TAP1: variants seen among roughly 807,000 people sequenced by gnomAD.
The protein encoded by TAP1 is antigen peptide transporter 1.
A neutral mutation model predicts 79.3 loss-of-function variants in TAP1; 56 were observed. The observed-to-expected ratio is 0.71, with a 90% CI of 0.57 to 0.88. The LOEUF is 0.88. TAP1 is among the 40% of genes least tolerant of loss of function. The pLI, the probability that TAP1 is intolerant of heterozygous loss-of-function variation, is 0.00. For synonymous variants in TAP1, 355 were observed against 401.4 expected, an observed-to-expected ratio of 0.88 and a Z score of 1.38; for missense variants, 737 against 936.3, an observed-to-expected ratio of 0.79 and a Z score of 2.78.
At position 32,845,754 on chromosome 6, in the gene TAP1, C is replaced by T. The variant is rs200753447; in HGVS notation, c.2072G>A (p.Arg691Gln). Residue 691 changes from arginine (R) to glutamine (Q), a missense_variant, in exon 11 of 11, where the codon CGG (arginine) becomes CAG (glutamine). Around this residue, in one of 5 missense-constraint regions of TAP1, gnomAD observed 266 missense variants for 332.4 expected, o/e 0.80. Transcript: ENST00000354258. This position sits in a 1 kb window ranked among gnomAD's most constrained non-coding sequence, Gnocchi z 4.5. ...GATGAGAAGCACTGAGCGGGAGTACCGCTCAGGGCTTTCGTACAGGAGCTG... is the reference window on the plus strand; with the variant it reads ...GATGAGAAGCACTGAGCGGGAGTACTGCTCAGGGCTTTCGTACAGGAGCTG... ...VEQLLYESPE[R>Q]YSRSVLLITQ... 2.0e-4 allele frequency: 327 copies of T among 1,612,684 alleles called. 4 individuals carry two copies. In the South Asian group the frequency reaches 3.5e-3, roughly 17 times the overall value.
rs902982756 is a variant in TAP1, at chr6:32,851,122, T to C, written c.872A>G (p.Asp291Gly). The part of the protein sequence containing the change: ...TGNIMSRVTE[D>G]TSTLSDSLSE... ...CAGAGAATCACTCAGGGTGGACGTG[T>C]CCTCTGTTACCCGAGACATGATGTT... is the stretch of plus-strand genomic sequence containing the variant. The change falls in exon 4 of 11, where the codon GAC becomes GGC. Residue 291 changes from aspartate (D) to glycine (G), a missense_variant. Physicochemically the swap from Asp to Gly is moderately conservative, Grantham distance 94. Transcript: ENST00000354258. This position sits in a 1 kb window ranked among gnomAD's most constrained non-coding sequence, Gnocchi z 4.8. 2 of 1,612,864 alleles carry C rather than the reference T, an allele frequency of 1.2e-6. No individual in the cohort carries two copies. Among genetic ancestry groups the C allele is most frequent in the Admixed American group, 1.7e-5 (1 of 60,006 alleles).
At position 32,852,767 on chromosome 6, in the gene TAP1, C is replaced by T; in HGVS notation, c.599-265G>A. The T allele has an allele frequency of 6.9e-7, 1 of 1,441,460 alleles. No individual in the cohort carries two copies. Among genetic ancestry groups the T allele is most frequent in the Non-Finnish European group, 9.0e-7 (1 of 1,105,730 alleles). 89.3% of individuals were successfully genotyped at this position (1,441,460 alleles called of 1,614,324 possible). On this transcript the variant is annotated intron_variant, in intron 1 of 10. Transcript: ENST00000354258. This position sits in a 1 kb window ranked among gnomAD's most constrained non-coding sequence, Gnocchi z 4.8. ...AGCCTCCTGTTAGAGATGAGGATGC[C>T]CCGCCCTTCGGCCCCAGAGCAAAGG...
At position 32,845,520 on chromosome 6, in the gene TAP1, TCTC is replaced by T. The variant is rs1770309121; in HGVS notation, c.*56_*58del. ...CAGCTGCCTACTCTGCAGCTGTGGT[TCTC>T]CACCACAGAGAGAAGAAAAGGGAGG... On this transcript the variant is annotated 3_prime_UTR_variant, in exon 11 of 11. Transcript: ENST00000354258. This position sits in a 1 kb window ranked among gnomAD's most constrained non-coding sequence, Gnocchi z 4.5. 2 of 1,570,876 alleles carry T rather than the reference TCTC, an allele frequency of 1.3e-6. No individual in the cohort carries two copies. Among genetic ancestry groups the T allele is most frequent in the Non-Finnish European group, 1.8e-6 (2 of 1,142,302 alleles).
Position 32,845,660 on chromosome 6 carries a change from C to T in TAP1, c.2166G>A (p.Glu722=), listed in dbSNP as rs1168191377. The change falls in exon 11 of 11, where the codon GAG becomes GAA. Residue 722 remains glutamate, a synonymous_variant. Transcript: ENST00000354258. This position sits in a 1 kb window ranked among gnomAD's most constrained non-coding sequence, Gnocchi z 4.5. The part of the protein sequence containing the change: ...ILFLEGGAIR[E]GGTHQQLMEK... ...CCATGAGCTGCTGGTGGGTTCCCCC[C>T]TCCCGGATAGCGCCTCCTTCCAGAA... 1.2e-6 allele frequency: 2 copies of T among 1,613,074 alleles called. No individual in the cohort carries two copies. Among genetic ancestry groups the T allele is most frequent in the South Asian group, 1.1e-5 (1 of 91,078 alleles).
In TAP1 at chr6:32,852,378, G is replaced by GC; in HGVS notation, c.713+9dup. ...TCATTTGCAGGGTGCCCCATTTTCA[G>GC]CCCCCAGACCTGGCTATGGTGAGAA... On this transcript the variant is annotated intron_variant, in intron 2 of 10. Coordinates refer to ENST00000354258, the MANE Select transcript of TAP1 (RefSeq NM_000593.6). The surrounding 1 kb of genome is among the most constrained non-coding windows in gnomAD (Gnocchi z 4.8). 1 of 1,613,022 alleles carries GC rather than the reference G, an allele frequency of 6.2e-7. No homozygotes were observed. Among genetic ancestry groups the GC allele is most frequent in the Non-Finnish European group, 8.5e-7 (1 of 1,180,014 alleles).
chr6:32,850,149 G>T lies in TAP1; in HGVS notation c.1248+171C>A, dbSNP rs989931321. On this transcript the variant is annotated intron_variant, in intron 5 of 10. Transcript: ENST00000354258. This position sits in a 1 kb window ranked among gnomAD's most constrained non-coding sequence, Gnocchi z 5.5. The stretch of plus-strand genomic sequence containing the variant: ...AGCCACCTAGCATCTTTAAAGAGAG[G>T]GAGGGGGCTAGGGACACTGAGTAGA... The T allele has an allele frequency of 9.8e-6, 7 of 714,978 alleles. No homozygotes were observed. The Admixed American group carries it at 1.4e-4, about 15-fold the overall frequency. 44.3% of individuals were successfully genotyped at this position (714,978 alleles called of 1,614,324 possible).
chr6:32,851,906 A>G lies in TAP1; in HGVS notation c.844+203T>C, dbSNP rs181428346. On this transcript the variant is annotated intron_variant, in intron 3 of 10. Coordinates refer to ENST00000354258, the MANE Select transcript of TAP1 (RefSeq NM_000593.6). This position sits in a 1 kb window ranked among gnomAD's most constrained non-coding sequence, Gnocchi z 4.8. Reference sequence around the variant, plus strand: ...AGGTATATCAAGAATGAGAAAAACAATTGTGTGTGTGTGTGTGTGAGAGAG... The same window carrying G: ...AGGTATATCAAGAATGAGAAAAACAGTTGTGTGTGTGTGTGTGTGAGAGAG... 3.3e-3 allele frequency among the ~76,000 whole-genome samples: 432 copies of G among 131,112 alleles called. 7 individuals carry two copies. Among genetic ancestry groups the G allele is most frequent in the Non-Finnish European group, 5.2e-4 (32 of 61,942 alleles). 86.0% of individuals were successfully genotyped at this position (131,112 alleles called of 152,430 possible). A position where few individuals can be genotyped will look rare whatever the true frequency, so the allele number is the denominator to read the frequency against.
Position 32,852,709 on chromosome 6 carries a change from TTA to T in TAP1, c.599-209_599-208del, listed in dbSNP as rs1770868527. The stretch of plus-strand genomic sequence containing the variant: ...TTGCTCTACCAGAACTTTCAGGATT[TTA>T]TTAGGAAGGCTGGAGATCATGAAGT... On this transcript the variant is annotated intron_variant, in intron 1 of 10. Transcript: ENST00000354258. The surrounding 1 kb of genome is among the most constrained non-coding windows in gnomAD (Gnocchi z 4.8). The T allele has an allele frequency of 2.1e-6, 3 of 1,462,366 alleles. No homozygotes were observed. Among genetic ancestry groups the T allele is most frequent in the Non-Finnish European group, 2.7e-6 (3 of 1,113,446 alleles). 90.6% of individuals were successfully genotyped at this position (1,462,366 alleles called of 1,614,324 possible).
rs1770331314 is a variant in TAP1 at position 32,845,716 on chromosome 6, T to TGAGGTGCTGGGTGATGA, written c.2093_2109dup (p.Leu705SerfsTer100). On this transcript the variant is annotated frameshift_variant, in exon 11 of 11. Coordinates refer to ENST00000354258, the MANE Select transcript of TAP1 (RefSeq NM_000593.6). LOFTEE classifies it high-confidence loss of function. This position sits in a 1 kb window ranked among gnomAD's most constrained non-coding sequence, Gnocchi z 4.5. ...ATGTGGTCAGCCTGCTCCACCAGGC[T>TGAGGTGCTGGGTGATGA]GAGGTGCTGGGTGATGAGAAGCACT... 1 of 1,612,706 alleles carries TGAGGTGCTGGGTGATGA rather than the reference T, an allele frequency of 6.2e-7. No homozygotes were observed.
rs575626193 is a variant in TAP1 at position 32,847,805 on chromosome 6, C to A, written c.1740+114G>T. ...TACTACCTCCCTCCTGACTACACCA[C>A]CATCTCCACCCAAGGTCTCTTATCA... is the stretch of plus-strand genomic sequence containing the variant. On this transcript the variant is annotated intron_variant, in intron 8 of 10. Coordinates refer to ENST00000354258, the MANE Select transcript of TAP1 (RefSeq NM_000593.6). This position sits in a 1 kb window ranked among gnomAD's most constrained non-coding sequence, Gnocchi z 4.7. The A allele has an allele frequency of 1.5e-4, 231 of 1,567,366 alleles. 1 individual carries two copies. Among genetic ancestry groups the A allele is most frequent in the Non-Finnish European group, 1.8e-4 (209 of 1,139,804 alleles).
In TAP1 at chr6:32,853,234, T is replaced by C. The variant is rs1163654700; in HGVS notation, c.403A>G (p.Ser135Gly). 1.2e-6 allele frequency: 2 copies of C among 1,608,138 alleles called. No homozygotes were observed. Among genetic ancestry groups the C allele is most frequent in the South Asian group, 1.1e-5 (1 of 90,238 alleles). The change falls in exon 1 of 11, where the codon AGT becomes GGT. Residue 135 changes from serine to glycine, a missense_variant. Ser to Gly is a moderately conservative substitution (Grantham distance 56). Around this residue, in one of 5 missense-constraint regions of TAP1, gnomAD observed 406 missense variants for 477.2 expected, o/e 0.85. Coordinates refer to ENST00000354258, the MANE Select transcript of TAP1 (RefSeq NM_000593.6). This position sits in a 1 kb window ranked among gnomAD's most constrained non-coding sequence, Gnocchi z 8.3. ...ADSTRLLHWG[S>G]HPTAFVVSYA... ...CTGACAACGAAGGCGGTAGGGTGAC[T>C]TCCCCAGTGCAGTAGCCTGGTGCTA...
rs533012774 is a variant in TAP1, at chr6:32,851,350, T to C, written c.845-201A>G. On this transcript the variant is annotated intron_variant, in intron 3 of 10. Transcript: ENST00000354258. This position sits in a 1 kb window ranked among gnomAD's most constrained non-coding sequence, Gnocchi z 4.8. ...AGTGTTAAAGAGGAAAGGCCTGACC[T>C]TCATTTTAATTATAAAGTCATTAAT... is the stretch of plus-strand genomic sequence containing the variant. 4.7e-4 allele frequency among the ~76,000 whole-genome samples: 72 copies of C among 152,336 alleles called. No individual in the cohort carries two copies. The highest frequency in any genetic ancestry group is 1.7e-3 in the African/African-American group (70 of 41,562).
In TAP1 at chr6:32,850,294, A is replaced by C; in HGVS notation, c.1248+26T>G. The C allele has an allele frequency of 6.2e-7, 1 of 1,607,404 alleles. No individual in the cohort carries two copies. The highest frequency in any genetic ancestry group is 8.5e-7 in the Non-Finnish European group (1 of 1,173,790). On this transcript the variant is annotated intron_variant, in intron 5 of 10. Transcript: ENST00000354258. The surrounding 1 kb of genome is among the most constrained non-coding windows in gnomAD (Gnocchi z 5.5). ...GTCACGGCATCTTAAGGACAAGGGAATGGGTATTCATCTTCAGGTGCTCAC... is the reference window on the plus strand; with the variant it reads ...GTCACGGCATCTTAAGGACAAGGGACTGGGTATTCATCTTCAGGTGCTCAC...
chr6:32,850,842 G>C lies in TAP1; in HGVS notation c.1050+102C>G. On this transcript the variant is annotated intron_variant, in intron 4 of 10. Transcript: ENST00000354258. The surrounding 1 kb of genome is among the most constrained non-coding windows in gnomAD (Gnocchi z 5.5). ...TTCCATGAAGATGGAGAATCAGTAA[G>C]GGTGCCAGGAAAGCTGGACTGAAAG... 9.0e-7 allele frequency: 1 copy of C among 1,107,908 alleles called. No individual in the cohort carries two copies. Among genetic ancestry groups the C allele is most frequent in the Non-Finnish European group, 1.4e-6 (1 of 722,684 alleles). 68.6% of individuals were successfully genotyped at this position (1,107,908 alleles called of 1,614,324 possible).
rs769816763 is a variant in TAP1 at position 32,847,028 on chromosome 6, A to G, written c.2040+40T>C. 1.9e-6 allele frequency: 3 copies of G among 1,609,384 alleles called. No homozygotes were observed. The highest frequency in any genetic ancestry group is 2.5e-6 in the Non-Finnish European group (3 of 1,180,002). ...ACAGAAGATGTATAAAAGAAGCAAGATTGGGTGGGATATAGCCATTAAGAA... is the reference window on the plus strand; with the variant it reads ...ACAGAAGATGTATAAAAGAAGCAAGGTTGGGTGGGATATAGCCATTAAGAA... On this transcript the variant is annotated intron_variant, in intron 10 of 10. Transcript: ENST00000354258. The surrounding 1 kb of genome is among the most constrained non-coding windows in gnomAD (Gnocchi z 4.7).
Position 32,852,038 on chromosome 6 carries a change from G to T in TAP1, c.844+71C>A. On this transcript the variant is annotated intron_variant, in intron 3 of 10. Coordinates refer to ENST00000354258, the MANE Select transcript of TAP1 (RefSeq NM_000593.6). This position sits in a 1 kb window ranked among gnomAD's most constrained non-coding sequence, Gnocchi z 4.8. ...GTGTGAGAGAGAGAGAGCGGGGAGGGGGGAGATCAAAGCAGATGTATGAGG... is the reference window on the plus strand; with the variant it reads ...GTGTGAGAGAGAGAGAGCGGGGAGGTGGGAGATCAAAGCAGATGTATGAGG... 6.3e-7 allele frequency: 1 copy of T among 1,599,824 alleles called. No homozygotes were observed. The highest frequency in any genetic ancestry group is 8.5e-7 in the Non-Finnish European group (1 of 1,169,724).
chr6:32,845,384 G>C lies in TAP1; in HGVS notation c.*195C>G, dbSNP rs8842. On this transcript the variant is annotated 3_prime_UTR_variant, in exon 11 of 11. Coordinates refer to ENST00000354258, the MANE Select transcript of TAP1 (RefSeq NM_000593.6). The surrounding 1 kb of genome is among the most constrained non-coding windows in gnomAD (Gnocchi z 4.5). Reference sequence around the variant, plus strand: ...AGCCCTGGCTCTAAACTCCGTTACAGTAAGGAATTACAAATCCTGTGTTTG... The same window carrying C: ...AGCCCTGGCTCTAAACTCCGTTACACTAAGGAATTACAAATCCTGTGTTTG... 0.037 allele frequency: 24,721 copies of C among 663,666 alleles called. 1,074 individuals carry two copies. The highest frequency in any genetic ancestry group is 0.15 in the African/African-American group (8,066 of 55,398). 41.1% of individuals were successfully genotyped at this position (663,666 alleles called of 1,614,324 possible).
rs1770838153 is a variant in TAP1, at chr6:32,852,305, A to G, written c.714-66T>C. On this transcript the variant is annotated intron_variant, in intron 2 of 10. Transcript: ENST00000354258. The surrounding 1 kb of genome is among the most constrained non-coding windows in gnomAD (Gnocchi z 4.8). ...AGGGAACAGACTGAAGGTCCCAGGT[A>G]TCCCCATATAAGTGCATTTCGGACA... 6.2e-7 allele frequency: 1 copy of G among 1,612,836 alleles called. No individual in the cohort carries two copies. The highest frequency in any genetic ancestry group is 1.3e-5 in the African/African-American group (1 of 74,994).
At position 32,847,967 on chromosome 6, in the gene TAP1, C is replaced by T; in HGVS notation, c.1692G>A (p.Leu564=). Residue 564 remains leucine, a synonymous_variant, in exon 8 of 11, where the codon TTG becomes TTA. Transcript: ENST00000354258. This position sits in a 1 kb window ranked among gnomAD's most constrained non-coding sequence, Gnocchi z 4.7. ...CATATTGGGGAAGGGGCTTCCCATCCAACAGCAGCTGTCCCCCGGTGGGCT... is the reference window on the plus strand; with the variant it reads ...CATATTGGGGAAGGGGCTTCCCATCTAACAGCAGCTGTCCCCCGGTGGGCT... The part of the protein sequence containing the change: ...LYQPTGGQLL[L]DGKPLPQYEH... The T allele has an allele frequency of 1.9e-6, 3 of 1,613,124 alleles. No individual in the cohort carries two copies. Among genetic ancestry groups the T allele is most frequent in the South Asian group, 2.2e-5 (2 of 91,082 alleles).
Sources: gnomAD v4.1 joint callset for allele counts (sites outside exome capture counted in the v4.1 genomes callset) on GRCh38, gnomAD v4.1.1 for gene constraint, gnomAD v4.1.1 regional missense constraint, Gnocchi (gnomAD v3.1) non-coding constraint, MANE v1.5 for transcripts, NCBI Gene and HGNC (gene_info 2026-07-23, HGNC 2026-07-21) for gene names.